Variants in NINL observed in about 807,000 individuals in gnomAD.
NINL encodes the protein ninein like.
In NINL, 153 loss-of-function variants were observed where a neutral mutation model predicts 160.3. The ratio of observed to expected loss-of-function variants is 0.95; its 90% CI spans 0.84 to 1.09. The LOEUF is 1.09. Ranked by LOEUF, NINL falls within the 50% of genes least tolerant of loss-of-function variation. The pLI is 0.00. For synonymous variants in NINL, 800 were observed against 734.8 expected, an observed-to-expected ratio of 1.09 and a Z score of -1.43; for missense variants, 1,829 against 1,764.0, an observed-to-expected ratio of 1.04 and a Z score of -0.66.
chr20:25,495,979 A>C (rs2063745016), intron 10 of NINL, among the ~76,000 whole-genome samples: 1 of 152,076 alleles, frequency 6.6e-6, no homozygotes, highest in Admixed American at 6.5e-5. Flanking sequence ...CCCCATCTCT[A>C]CTAAAAATAC....
At chr20:25,560,881 T>C (rs2064925634) in intron 1 of NINL, among the ~76,000 whole-genome samples, 1 of 151,904 alleles carries the variant, frequency 6.6e-6, no homozygotes, top group Non-Finnish European at 1.5e-5. Flanking sequence ...AAGAAAGACA[T>C]TCTCAGATGA....
chr20:25,470,046 G>A lies in NINL; in HGVS notation c.3298C>T (p.Leu1100=), dbSNP rs747406231. Residue 1100 remains leucine (L), a synonymous_variant, in exon 18 of 24, where the codon CTG becomes TTG. Coordinates refer to ENST00000278886, the MANE Select transcript of NINL (RefSeq NM_025176.6). ...SEENTLLKND[L]GRVRQELEAA... The stretch of plus-strand genomic sequence containing the variant: ...TCAAGCTCTTGCCGAACCCTTCCCA[G>A]ATCGTTTTTCAACAAAGTGTTTTCT... 6.2e-7 allele frequency: 1 copy of A among 1,614,154 alleles called. No homozygotes were observed. Among genetic ancestry groups the A allele is most frequent in the Non-Finnish European group, 8.5e-7 (1 of 1,180,030 alleles).
At chr20:25,507,482 A>G (rs1163111749) in intron 5 of NINL, among the ~76,000 whole-genome samples, 1 of 152,190 alleles carries the variant, frequency 6.6e-6, no homozygotes, top group Non-Finnish European at 1.5e-5. Flanking sequence ...GTCCAGCCAG[A>G]CATGTTCCTA....
At chr20:25,489,787 C>T in intron 12 of NINL, 88 bp downstream of exon 12, 1 of 997,502 alleles carries the variant, frequency 1.0e-6, no homozygotes, top group Non-Finnish European at 1.6e-6. Flanking sequence ...CTGTGACCTG[C>T]CGCATCTCTC....
At chr20:25,579,764 G>A (rs570933050) in intron 1 of NINL, among the ~76,000 whole-genome samples, 11 of 152,274 alleles carry the variant, frequency 7.2e-5, no homozygotes, top group South Asian at 4.2e-4. Context: ...AGCCACCTGC[G>A]TCCCTCAGGG....
At chr20:25,538,346 ACCACGGAAGGGAGGAGTCTG>A (rs1377285418) in intron 1 of NINL, among the ~76,000 whole-genome samples, 2 of 152,188 alleles carry the variant, frequency 1.3e-5, no homozygotes, top group African/African-American at 4.8e-5. Flanking sequence ...GCAGTGGACC[ACCACGGAAGGGAGGAGTCTG>A]CCAGGTCCTG....
In NINL at chr20:25,471,153, G is replaced by A. The variant is rs112046708; in HGVS notation, c.3249-1058C>T. 6.5e-3 allele frequency among the ~76,000 whole-genome samples: 992 copies of A among 152,068 alleles called. 16 individuals are homozygous for A. Among genetic ancestry groups the A allele is most frequent in the African/African-American group, 0.023 (949 of 41,454 alleles). On this transcript the variant is annotated intron_variant, in intron 17 of 23. Transcript: ENST00000278886. Reference sequence around the variant, plus strand: ...GACTACAGTAGGCATGCGCCACCACGCCTGGATAATTTTTGTTGTGGTGGA... The same window carrying A: ...GACTACAGTAGGCATGCGCCACCACACCTGGATAATTTTTGTTGTGGTGGA...
At chr20:25,578,748 G>A (rs903186315) in intron 1 of NINL, among the ~76,000 whole-genome samples, 2 of 140,210 alleles carry the variant, frequency 1.4e-5, no homozygotes, top group African/African-American at 2.7e-5. Context: ...AGCGGAGATC[G>A]CCCACTACCA....
chr20:25,505,002 C>T lies in NINL; in HGVS notation c.594G>A (p.Glu198=). 3 of 1,613,722 alleles carry T rather than the reference C, an allele frequency of 1.9e-6. No homozygotes were observed. The highest frequency in any genetic ancestry group is 2.5e-6 in the Non-Finnish European group (3 of 1,179,856). Residue 198 remains glutamate, a synonymous_variant, in exon 6 of 24, where the codon GAG becomes GAA. Coordinates refer to ENST00000278886, the MANE Select transcript of NINL (RefSeq NM_025176.6). ...KSCSPSFDTP[E]SQIRGVWEEL... is the part of the protein sequence containing the mutation. ...CTTCCCACACGCCCCGGATCTGGCTCTCTGGGGTGTCAAAGGAGGGGCTGC... is the reference window on the plus strand; with the variant it reads ...CTTCCCACACGCCCCGGATCTGGCTTTCTGGGGTGTCAAAGGAGGGGCTGC...
chr20:25,504,193 T>C, intron 6 of NINL, 89 bp from the exon 7 acceptor site: 1 of 1,358,804 alleles, frequency 7.4e-7, no homozygotes. Context: ...CTCCCTCTGG[T>C]TCCAAGTACC....
Position 25,476,549 on chromosome 20 carries a change from C to T in NINL, c.2742G>A (p.Val914=). Residue 914 remains valine, a synonymous_variant, in exon 17 of 24, where the codon GTG becomes GTA. Coordinates refer to ENST00000278886, the MANE Select transcript of NINL (RefSeq NM_025176.6). ...ERWSRMQPCG[V]DGDIVPKEPE... is the part of the protein sequence containing the mutation. ...GCTCCTTTGGGACAATATCCCCATC[C>T]ACTCCACAGGGCTGCATGCGTGACC... is the stretch of plus-strand genomic sequence containing the variant. 2 of 1,600,096 alleles carry T rather than the reference C, an allele frequency of 1.2e-6. No homozygotes were observed. The highest frequency in any genetic ancestry group is 1.3e-5 in the African/African-American group (1 of 75,056).
At chr20:25,566,077 C>T (rs186638643) in intron 1 of NINL, among the ~76,000 whole-genome samples, 1 of 152,338 alleles carries the variant, frequency 6.6e-6, no homozygotes, top group African/African-American at 2.4e-5. Context: ...ACTTTTCGGC[C>T]TCCACAGTCA....
At chr20:25,458,244 G>T in intron 22 of NINL, 139 bp downstream of exon 22, 2 of 1,176,498 alleles carry the variant, frequency 1.7e-6, no homozygotes, top group Non-Finnish European at 2.5e-6. Flanking sequence ...TCTCCCTACA[G>T]CCTTCCTTAC....
In NINL at chr20:25,533,058, G is replaced by A. The variant is rs150616273; in HGVS notation, c.-11-6460C>T. On this transcript the variant is annotated intron_variant, in intron 1 of 23. Transcript: ENST00000278886. ...GAACCCCGCTGCAGAGAGGCTGGCC[G>A]CTTCAAGTGGCTGCCCTGGGATCCA... Among the ~76,000 whole-genome samples, 264 of 152,282 alleles carry A rather than the reference G, an allele frequency of 1.7e-3. 3 individuals carry two copies. The highest frequency in any genetic ancestry group is 5.8e-3 in the African/African-American group (240 of 41,564).
Position 25,510,686 on chromosome 20 carries a change from A to G in NINL, c.505T>C (p.Phe169Leu). The G allele has an allele frequency of 6.2e-7, 1 of 1,613,942 alleles. No individual in the cohort carries two copies. The change falls in exon 5 of 24, where the codon TTT becomes CTT. Residue 169 changes from phenylalanine (F) to leucine (L), a missense_variant. Coordinates refer to ENST00000278886, the MANE Select transcript of NINL (RefSeq NM_025176.6). ...GCTGAGGCTTTACCTTGTGCTTCAAATAATTCATTCTGAGCTTCTTTAGTG... is the reference window on the plus strand; with the variant it reads ...GCTGAGGCTTTACCTTGTGCTTCAAGTAATTCATTCTGAGCTTCTTTAGTG... ...ESTKEAQNEL[F>L]EAQGQLQTWD...
chr20:25,530,928 A>G (rs1225381035), intron 1 of NINL, among the ~76,000 whole-genome samples: 1 of 152,132 alleles, frequency 6.6e-6, no homozygotes, highest in Non-Finnish European at 1.5e-5. Context: ...TTGAGAGCAG[A>G]CAACCGGTCT....
chr20:25,551,533 C>G (rs993092678), intron 1 of NINL, among the ~76,000 whole-genome samples: 8 of 152,074 alleles, frequency 5.3e-5, no homozygotes, highest in Non-Finnish European at 1.0e-4. Context: ...TGAGGACGCA[C>G]CCAGGGAAAA....
chr20:25,496,709 C>T lies in NINL; in HGVS notation c.1264G>A (p.Asp422Asn), dbSNP rs1237925706. 9 of 1,613,970 alleles carry T rather than the reference C, an allele frequency of 5.6e-6. No homozygotes were observed. Among genetic ancestry groups the T allele is most frequent in the Non-Finnish European group, 7.6e-6 (9 of 1,180,032 alleles). ...TGCTCCAGGGTGGAGTGGCAGTCGT[C>T]CATCTCTTTCACAAACTCCAGGTTC... ...KRNLEFVKEM[D>N]DCHSTLEQLT... Residue 422 changes from aspartate (D) to asparagine (N), a missense_variant, in exon 10 of 24, where the codon GAC becomes AAC. Transcript: ENST00000278886.
chr20:25,536,678 CACTGCACTCCAG>C (rs2064561650), intron 1 of NINL, among the ~76,000 whole-genome samples: 1 of 151,804 alleles, frequency 6.6e-6, no homozygotes, highest in Non-Finnish European at 1.5e-5. Flanking sequence ...GAGATCATGC[CACTGCACTCCAG>C]CCTGGGCGAT....
Sources: gnomAD v4.1 joint callset for allele counts (sites outside exome capture counted in the v4.1 genomes callset) on GRCh38, gnomAD v4.1.1 for gene constraint, MANE v1.5 for transcripts, NCBI Gene and HGNC (gene_info 2026-07-23, HGNC 2026-07-21) for gene names.